DPYD: variants seen among roughly 807,000 people sequenced by gnomAD.
DPYD encodes dihydropyrimidine dehydrogenase, also known as dihydropyrimidine dehydrogenase [NADP(+)].
DPYD carries 109 observed loss-of-function variants against 116.2 expected under a neutral mutation model. That is an observed-to-expected ratio of 0.94 (90% CI 0.80 to 1.10). DPYD has a LOEUF of 1.10. Among genes scored for constraint, DPYD ranks in the 50% least tolerant of loss-of-function variants. The pLI, the probability that DPYD is intolerant of heterozygous loss-of-function variation, is 0.00. For missense variants in DPYD, 1,302 were observed against 1,254.5 expected (o/e 1.04, Z -0.57); for synonymous variants, 440 against 432.0 (o/e 1.02, Z -0.23).
At chr1:97,804,637 A>AAT (rs1280217203) in intron 3 of DPYD, among the ~76,000 whole-genome samples, 3 of 151,852 alleles carry the variant, frequency 2.0e-5, no homozygotes, top group Non-Finnish European at 2.9e-5. Flanking sequence ...ATGATACAGA[A>AAT]CTCTCTCCAG....
chr1:97,580,243 T>C (rs1345874917), intron 10 of DPYD, among the ~76,000 whole-genome samples: 1 of 152,238 alleles, frequency 6.6e-6, no homozygotes, highest in Admixed American at 6.5e-5. Context: ...CAACATTCTT[T>C]ATAAAGGTTA....
chr1:97,169,847 T>G (rs1295992787), intron 20 of DPYD, among the ~76,000 whole-genome samples: 1 of 152,198 alleles, frequency 6.6e-6, no homozygotes, highest in Non-Finnish European at 1.5e-5. Context: ...CTCATGACAC[T>G]GGAATCACTC....
At chr1:97,875,489 C>A (rs1248357193) in intron 2 of DPYD, among the ~76,000 whole-genome samples, 1 of 151,950 alleles carries the variant, frequency 6.6e-6, no homozygotes, top group Non-Finnish European at 1.5e-5. Context: ...AAACTTTCTA[C>A]CCAAAATGCC....
At chr1:97,269,535 C>A (rs827498) in intron 18 of DPYD, among the ~76,000 whole-genome samples, 5,453 of 152,198 alleles carry the variant, frequency 0.036, 343 homozygotes, top group African/African-American at 0.12. Context: ...TAACAGAATA[C>A]CAAAGACTGG....
rs149486370 is a variant in DPYD, at chr1:97,287,728, C to T, written c.2299+17531G>A. 5.4e-3 allele frequency among the ~76,000 whole-genome samples: 828 copies of T among 152,180 alleles called. 6 individuals carry two copies. Among genetic ancestry groups the T allele is most frequent in the Admixed American group, 0.01 (160 of 15,288 alleles). On this transcript the variant is annotated intron_variant, in intron 18 of 22. Coordinates refer to ENST00000370192, the MANE Select transcript of DPYD (RefSeq NM_000110.4). ...GAGAATCTGTGGGTGTAGGACCCTC[C>T]GAGCCAGGTGCAGGATATAATCTCC... is the stretch of plus-strand genomic sequence containing the variant.
At chr1:97,698,755 T>C (rs989290614) in intron 6 of DPYD, among the ~76,000 whole-genome samples, 3 of 151,952 alleles carry the variant, frequency 2.0e-5, no homozygotes, top group African/African-American at 4.8e-5. Flanking sequence ...TTTATGATAA[T>C]GAAATATGTG....
chr1:97,651,476 G>A (rs74695631), intron 8 of DPYD, among the ~76,000 whole-genome samples: 3,046 of 152,156 alleles, frequency 0.02, 104 homozygotes, highest in African/African-American at 0.07. Flanking sequence ...TCTTGCAGAT[G>A]TTTTCACCCG....
At chr1:97,285,288 A>G (rs1665591367) in intron 18 of DPYD, among the ~76,000 whole-genome samples, 1 of 152,202 alleles carries the variant, frequency 6.6e-6, no homozygotes, top group African/African-American at 2.4e-5. Context: ...TGCTCGCAGA[A>G]ACGAAGAGAA....
intron 10 of DPYD, among the ~76,000 whole-genome samples, chr1:97,577,900 T>C (rs1440468170): frequency 6.6e-6 from 1 of 151,916 alleles, no homozygotes; most frequent in East Asian, 1.9e-4. Flanking sequence ...GGCTGGAGGG[T>C]AGTGGCAAGA....
intron 21 of DPYD, among the ~76,000 whole-genome samples, chr1:97,086,342 G>A (rs1202877857): frequency 4.0e-5 from 5 of 124,336 alleles, no homozygotes; most frequent in South Asian, 3.1e-4. Context: ...GAGCCACGGC[G>A]CCTGGCCAAG....
intron 18 of DPYD, among the ~76,000 whole-genome samples, chr1:97,270,118 A>C (rs1000737414): frequency 6.6e-6 from 1 of 152,162 alleles, no homozygotes; most frequent in African/African-American, 2.4e-5. Flanking sequence ...GCAGAGTGGC[A>C]TATAGAAAGC....
chr1:97,882,358 C>A (rs1672269445), intron 2 of DPYD, among the ~76,000 whole-genome samples: 1 of 151,918 alleles, frequency 6.6e-6, no homozygotes, highest in African/African-American at 2.4e-5. Context: ...TAGATAAATA[C>A]AAGCACACAT....
intron 13 of DPYD, among the ~76,000 whole-genome samples, chr1:97,500,566 T>C (rs539493694): frequency 2.0e-5 from 3 of 152,100 alleles, no homozygotes; most frequent in African/African-American, 7.2e-5. Flanking sequence ...GCCAAATATA[T>C]ATGTTAAAAG....
At chr1:97,285,606 C>T (rs1260675240) in intron 18 of DPYD, among the ~76,000 whole-genome samples, 1 of 151,936 alleles carries the variant, frequency 6.6e-6, no homozygotes, top group African/African-American at 2.4e-5. Flanking sequence ...ATGTGAAGTT[C>T]ACTAAATGGA....
At chr1:97,089,363 A>G (rs945002137) in intron 21 of DPYD, among the ~76,000 whole-genome samples, 4 of 152,140 alleles carry the variant, frequency 2.6e-5, no homozygotes, top group Non-Finnish European at 2.9e-5. Flanking sequence ...TTTCTCATTT[A>G]ACTGGGCCAA....
At chr1:97,303,542 A>C (rs1666983384) in intron 18 of DPYD, among the ~76,000 whole-genome samples, 1 of 152,048 alleles carries the variant, frequency 6.6e-6, no homozygotes, top group Non-Finnish European at 1.5e-5. Flanking sequence ...ACTCTGTTAT[A>C]GAACTTGCTC....
intron 19 of DPYD, among the ~76,000 whole-genome samples, chr1:97,225,908 G>C (rs75993802): frequency 0.06 from 9,183 of 151,842 alleles, 378 homozygotes; most frequent in Middle Eastern, 0.12. Flanking sequence ...CCAGTATTAC[G>C]CTGAAGCCAA....
At chr1:97,767,696 T>C (rs1307615225) in intron 3 of DPYD, among the ~76,000 whole-genome samples, 1 of 150,476 alleles carries the variant, frequency 6.6e-6, no homozygotes, top group Non-Finnish European at 1.5e-5. Flanking sequence ...ACAGGATGCA[T>C]AAGTATACTC....
In DPYD at chr1:97,707,782, T is replaced by C. The variant is rs574065825; in HGVS notation, c.484-8235A>G. ...CATATGAGGCATCTATTCAGATGCT[T>C]ATTTTCCATCTGTATATCTTTCTTG... On this transcript the variant is annotated intron_variant, in intron 5 of 22. Transcript: ENST00000370192. Among the ~76,000 whole-genome samples the C allele has an allele frequency of 8.3e-4, 126 of 152,180 alleles. 1 individual carries two copies. The highest frequency in any genetic ancestry group is 2.7e-3 in the African/African-American group (113 of 41,540).
Sources: gnomAD v4.1 joint callset for allele counts (sites outside exome capture counted in the v4.1 genomes callset) on GRCh38, gnomAD v4.1.1 for gene constraint, MANE v1.5 for transcripts, NCBI Gene and HGNC (gene_info 2026-07-23, HGNC 2026-07-21) for gene names.